The following RHOBTB3 variants were observed in gnomAD, a reference collection of about 807,000 sequenced individuals.
The protein encoded by RHOBTB3 is rho-related BTB domain-containing protein 3.
In RHOBTB3, 47 loss-of-function variants were observed where a neutral mutation model predicts 67.2. The observed-to-expected ratio is 0.70, with a 90% CI of 0.55 to 0.89. RHOBTB3 has a LOEUF of 0.89. Ranked by LOEUF, RHOBTB3 falls within the 40% of genes least tolerant of loss-of-function variation. RHOBTB3 has a pLI of 0.00. For missense variants in RHOBTB3, 631 were observed against 750.0 expected, an observed-to-expected ratio of 0.84 and a Z score of 1.85; for synonymous variants, 273 against 274.2, an observed-to-expected ratio of 1.00 and a Z score of 0.04.
At chr5:95,718,345 C>G (rs186317264) in intron 1 of RHOBTB3, among the ~76,000 whole-genome samples, 73 of 152,260 alleles carry the variant, frequency 4.8e-4, no homozygotes, top group South Asian at 2.9e-3. Context: ...ACACAAGGCA[C>G]TATCAGAGGG....
intron 5 of RHOBTB3, 102 bp from the exon 6 acceptor site, chr5:95,755,294 A>G: frequency 1.2e-6 from 1 of 858,822 alleles, no homozygotes; most frequent in East Asian, 3.4e-5. Context: ...TAACCTAATA[A>G]TATTTTAAAA....
At chr5:95,777,844 C>T (rs1235766756) in intron 8 of RHOBTB3, among the ~76,000 whole-genome samples, 1 of 152,188 alleles carries the variant, frequency 6.6e-6, no homozygotes, top group African/African-American at 2.4e-5. Flanking sequence ...TGGCTGGGTG[C>T]AGTGGCTCAC....
chr5:95,735,234 T>A (rs951011286), intron 2 of RHOBTB3, among the ~76,000 whole-genome samples: 1 of 151,704 alleles, frequency 6.6e-6, no homozygotes, highest in African/African-American at 2.4e-5. Context: ...CCCTTTGCCT[T>A]TGTTGTTTAT....
intron 2 of RHOBTB3, among the ~76,000 whole-genome samples, chr5:95,736,448 G>T (rs900884657): frequency 6.6e-6 from 1 of 152,198 alleles, no homozygotes. Flanking sequence ...AATTTAAAAT[G>T]TATTGCAGTT....
rs1746512124 is a variant in RHOBTB3 at position 95,794,467 on chromosome 5, C to T, written c.*1293C>T. The T allele has an allele frequency of 6.3e-6, 1 of 159,328 alleles. No homozygotes were observed. The highest frequency in any genetic ancestry group is 1.4e-5 in the Non-Finnish European group (1 of 71,890). 9.9% of individuals were successfully genotyped at this position (159,328 alleles called of 1,614,324 possible). ...ATGAATCTTGTGCTCTAATATTACA[C>T]AGTAAGTTCAAAGAAAGGATGTAAG... is the stretch of plus-strand genomic sequence containing the variant. On this transcript the variant is annotated 3_prime_UTR_variant, in exon 12 of 12. Transcript: ENST00000379982.
At chr5:95,760,608 A>G (rs1366756858) in intron 6 of RHOBTB3, among the ~76,000 whole-genome samples, 1 of 152,362 alleles carries the variant, frequency 6.6e-6, no homozygotes, top group Non-Finnish European at 1.5e-5. Flanking sequence ...CCTAGTATAC[A>G]TGAGTATACC....
At chr5:95,732,597 G>A (rs1755323452) in intron 2 of RHOBTB3, 1 of 167,050 alleles carries the variant, frequency 6.0e-6, no homozygotes, top group Non-Finnish European at 1.3e-5. Context: ...CTCATTTATA[G>A]CACTATTAAT....
chr5:95,761,195 A>G (rs896594457), intron 6 of RHOBTB3, among the ~76,000 whole-genome samples: 1 of 152,190 alleles, frequency 6.6e-6, no homozygotes, highest in Non-Finnish European at 1.5e-5. Context: ...TACATATATA[A>G]GTATGTAAAA....
intron 4 of RHOBTB3, among the ~76,000 whole-genome samples, chr5:95,750,630 G>A (rs934912731): frequency 1.2e-4 from 19 of 152,160 alleles, no homozygotes; most frequent in Admixed American, 1.1e-3. Flanking sequence ...AGAATTCTCC[G>A]GCCACTGGTC....
intron 7 of RHOBTB3, among the ~76,000 whole-genome samples, chr5:95,766,029 T>G (rs554088008): frequency 4.5e-4 from 68 of 152,240 alleles, no homozygotes; most frequent in African/African-American, 1.6e-3. Flanking sequence ...CCCGAATTCC[T>G]TCCATGTGTA....
intron 11 of RHOBTB3, among the ~76,000 whole-genome samples, chr5:95,791,231 AG>A (rs1354129565): frequency 6.6e-6 from 1 of 152,178 alleles, no homozygotes; most frequent in Non-Finnish European, 1.5e-5. Context: ...AGACTGGAAA[AG>A]ATGTCATGTC....
intron 8 of RHOBTB3, among the ~76,000 whole-genome samples, chr5:95,771,847 T>G (rs550411153): frequency 1.8e-3 from 275 of 152,334 alleles, no homozygotes; most frequent in Non-Finnish European, 3.1e-3. Context: ...TAGATAATTT[T>G]GTACAATCAT....
Position 95,783,969 on chromosome 5 carries a change from T to G in RHOBTB3, c.1623+6T>G, listed in dbSNP as rs750811963. ...ACCTGCTTAAAAAGGCCAAGGTAAT[T>G]GACTCTGTGTATCTGATAGCCTAGT... On this transcript the variant is annotated splice_donor_region_variant and intron_variant, in intron 10 of 11. Coordinates refer to ENST00000379982, the MANE Select transcript of RHOBTB3 (RefSeq NM_014899.4). 8 of 1,602,784 alleles carry G rather than the reference T, an allele frequency of 5.0e-6. No individual in the cohort carries two copies. Among genetic ancestry groups the G allele is most frequent in the Non-Finnish European group, 6.8e-6 (8 of 1,172,288 alleles).
At chr5:95,733,031 A>G (rs1580392424) in intron 2 of RHOBTB3, among the ~76,000 whole-genome samples, 1 of 152,358 alleles carries the variant, frequency 6.6e-6, no homozygotes, top group Admixed American at 6.5e-5. Flanking sequence ...ATATTAAAAA[A>G]ACTGAATTAG....
intron 11 of RHOBTB3, among the ~76,000 whole-genome samples, chr5:95,792,363 G>A (rs867517172): frequency 6.8e-6 from 1 of 147,036 alleles, no homozygotes; most frequent in African/African-American, 2.6e-5. Flanking sequence ...CTCCAGCCTG[G>A]GCGACAGAGC....
At chr5:95,743,713 A>AT (rs746240058) in intron 3 of RHOBTB3, among the ~76,000 whole-genome samples, 41,175 of 84,164 alleles carry the variant, frequency 0.49, 8,534 homozygotes, top group East Asian at 0.71. Flanking sequence ...CCTCCCCCCC[A>AT]TTTTTTTTTT....
chr5:95,781,485 T>C (rs1023582164), intron 9 of RHOBTB3: 11 of 152,248 alleles, frequency 7.2e-5, no homozygotes, highest in African/African-American at 2.7e-4. Context: ...TTTGTGTTGA[T>C]TAAATTAATT....
chr5:95,758,266 T>A (rs1389196104), intron 6 of RHOBTB3, among the ~76,000 whole-genome samples: 1 of 152,216 alleles, frequency 6.6e-6, no homozygotes, highest in Non-Finnish European at 1.5e-5. Context: ...AAAAAAGTTA[T>A]CCTTCTACCC....
intron 3 of RHOBTB3, among the ~76,000 whole-genome samples, chr5:95,743,624 C>T (rs966211357): frequency 6.6e-6 from 1 of 151,660 alleles, no homozygotes; most frequent in Non-Finnish European, 1.5e-5. Context: ...TGCCTCCCTC[C>T]CTGTCTTTCT....
Sources: allele counts gnomAD v4.1 joint callset (sites outside exome capture counted in the v4.1 genomes callset), GRCh38; gene constraint gnomAD v4.1.1; transcripts MANE v1.5; gene names NCBI Gene and HGNC (gene_info 2026-07-23, HGNC 2026-07-21).